The following HTR4 variants were observed in gnomAD, a reference collection of about 807,000 sequenced individuals.
HTR4 encodes 5-hydroxytryptamine receptor 4.
A neutral mutation model predicts 36.8 loss-of-function variants in HTR4; 16 were observed. That is an observed-to-expected ratio of 0.43 (90% CI 0.29 to 0.66). The LOEUF (loss-of-function observed/expected upper bound fraction) is 0.66, where lower values mean the gene tolerates loss of function less well. Among genes scored for constraint, HTR4 ranks in the 30% least tolerant of loss-of-function variants. The probability of loss-of-function intolerance (pLI) is 0.13; values close to 1 mark genes in which losing one functional copy is unlikely to be tolerated. For synonymous variants in HTR4, 189 were observed against 185.1 expected, an observed-to-expected ratio of 1.02 and a Z score of -0.17; for missense variants, 438 against 490.9, an observed-to-expected ratio of 0.89 and a Z score of 1.02.
chr5:148,539,738 T>A (rs1036295939), intron 4 of HTR4, among the ~76,000 whole-genome samples: 4 of 152,190 alleles, frequency 2.6e-5, no homozygotes, highest in African/African-American at 9.6e-5. Context: ...CTGGCGAAGT[T>A]GAGGAAAAAA....
chr5:148,529,884 G>T (rs1160567783), intron 4 of HTR4, among the ~76,000 whole-genome samples: 2 of 152,330 alleles, frequency 1.3e-5, no homozygotes, highest in East Asian at 3.9e-4. Context: ...GGGAACTGGA[G>T]CAAAGGTGGC....
At chr5:148,468,027 GT>G (rs1322925830) in intron 5 of HTR4, among the ~76,000 whole-genome samples, 1 of 152,192 alleles carries the variant, frequency 6.6e-6, no homozygotes, top group Non-Finnish European at 1.5e-5. Context: ...CCATTCTTAA[GT>G]TTGGATATGT....
At chr5:148,600,455 T>C (rs1761947747) in intron 2 of HTR4, among the ~76,000 whole-genome samples, 1 of 150,852 alleles carries the variant, frequency 6.6e-6, no homozygotes, top group Admixed American at 6.6e-5. Context: ...TATTCCTATA[T>C]GTAGAAAACC....
intron 4 of HTR4, among the ~76,000 whole-genome samples, chr5:148,532,830 A>T (rs1010827386): frequency 1.3e-5 from 2 of 152,198 alleles, no homozygotes; most frequent in African/African-American, 4.8e-5. Flanking sequence ...ATCTGTCAGA[A>T]TCACTTAAAG....
intron 2 of HTR4, among the ~76,000 whole-genome samples, chr5:148,573,969 A>C (rs1475474679): frequency 6.6e-6 from 1 of 152,064 alleles, no homozygotes; most frequent in Non-Finnish European, 1.5e-5. Context: ...AGATATTTGG[A>C]GAAAAATTAC....
exon 6 of HTR4, chr5:148,451,119 C>T (rs1316706667): frequency 6.2e-7 from 1 of 1,607,006 alleles, no homozygotes. Context: ...AGAAGTGATG[C>T]CAGGGTGACC....
chr5:148,627,738 C>A (rs1753171726), intron 2 of HTR4, among the ~76,000 whole-genome samples: 1 of 152,172 alleles, frequency 6.6e-6, no homozygotes, highest in Non-Finnish European at 1.5e-5. Context: ...AAATGGTAAT[C>A]ACTTAGCAGA....
intron 2 of HTR4, 91 bp from the exon 3 acceptor site, chr5:148,550,353 T>C: frequency 6.9e-7 from 1 of 1,446,092 alleles, no homozygotes; most frequent in Non-Finnish European, 9.6e-7. Context: ...TTCAGAAAGG[T>C]AACTTCACCA....
At chr5:148,614,660 C>T (rs1266142865) in intron 2 of HTR4, among the ~76,000 whole-genome samples, 2 of 152,146 alleles carry the variant, frequency 1.3e-5, no homozygotes, top group Non-Finnish European at 2.9e-5. Flanking sequence ...GCAATGGCAA[C>T]AAAAGACAAA....
At chr5:148,634,377 T>C (rs1392461171) in intron 2 of HTR4, among the ~76,000 whole-genome samples, 6 of 152,158 alleles carry the variant, frequency 3.9e-5, no homozygotes, top group Non-Finnish European at 8.8e-5. Context: ...CACATGCACA[T>C]ATGTATTGAA....
chr5:148,540,422 A>G lies in HTR4; in HGVS notation c.353+8246T>C, dbSNP rs1180586348. On this transcript the variant is annotated intron_variant, in intron 4 of 6. Transcript: ENST00000377888. ...TGTGTATATATATATATATATATAT[A>G]TATATATATATATATATATATATAT... Among the ~76,000 whole-genome samples, 36 of 134,490 alleles carry G rather than the reference A, an allele frequency of 2.7e-4. 1 individual carries two copies. The highest frequency in any genetic ancestry group is 1.1e-3 in the East Asian group (5 of 4,646). The allele number at this position is 134,490 out of a possible 152,430, so 88.2% of individuals were successfully genotyped here.
chr5:148,624,832 A>C (rs1484914964), intron 2 of HTR4, among the ~76,000 whole-genome samples: 1 of 152,190 alleles, frequency 6.6e-6, no homozygotes, highest in Non-Finnish European at 1.5e-5. Flanking sequence ...ATATTGCCTA[A>C]AGAGTTAAAA....
intron 5 of HTR4, among the ~76,000 whole-genome samples, chr5:148,470,209 A>G (rs2113703037): frequency 6.6e-6 from 1 of 152,232 alleles, no homozygotes; most frequent in East Asian, 1.9e-4. Context: ...CTATTAATAA[A>G]GATAGCTAAC....
chr5:148,512,634 A>C (rs1450920676), intron 5 of HTR4, among the ~76,000 whole-genome samples: 1 of 152,128 alleles, frequency 6.6e-6, no homozygotes, highest in Non-Finnish European at 1.5e-5. Flanking sequence ...GTTTACTCCT[A>C]AGTATAAAGA....
chr5:148,561,585 A>G (rs929832083), intron 2 of HTR4, among the ~76,000 whole-genome samples: 2 of 151,770 alleles, frequency 1.3e-5, no homozygotes, highest in African/African-American at 4.8e-5. Context: ...TTTTTTCTTT[A>G]TATGTGCACA....
intron 2 of HTR4, among the ~76,000 whole-genome samples, chr5:148,561,343 T>C (rs1760197033): frequency 6.6e-6 from 1 of 152,178 alleles, no homozygotes; most frequent in Non-Finnish European, 1.5e-5. Context: ...CATGCCTGAA[T>C]GTAAAGCCAA....
At chr5:148,520,811 T>C in intron 5 of HTR4, 1 of 1,242,306 alleles carries the variant, frequency 8.0e-7, no homozygotes. Flanking sequence ...ACTGACAGTT[T>C]AAAATAAATT....
At chr5:148,459,011 T>C (rs1350207391) in intron 5 of HTR4, among the ~76,000 whole-genome samples, 1 of 152,182 alleles carries the variant, frequency 6.6e-6, no homozygotes, top group Non-Finnish European at 1.5e-5. Flanking sequence ...ATTTATTATC[T>C]CGCATTTCTG....
At chr5:148,491,832 A>G (rs776290842) in intron 6 of HTR4, among the ~76,000 whole-genome samples, 1 of 152,182 alleles carries the variant, frequency 6.6e-6, no homozygotes, top group Non-Finnish European at 1.5e-5. Flanking sequence ...ATTAGAAGAC[A>G]GGCCTCCTGC....
Sources: gnomAD v4.1 joint callset for allele counts (sites outside exome capture counted in the v4.1 genomes callset) on GRCh38, gnomAD v4.1.1 for gene constraint, MANE v1.5 for transcripts, NCBI Gene and HGNC (gene_info 2026-07-23, HGNC 2026-07-21) for gene names.